TRHDE: variants seen among roughly 807,000 people sequenced by gnomAD.
TRHDE encodes thyrotropin releasing hormone degrading enzyme.
Under a neutral mutation model 125.7 loss-of-function variants are expected in TRHDE, and 72 were observed. The observed-to-expected ratio is 0.57, with a 90% CI of 0.47 to 0.70. The LOEUF (loss-of-function observed/expected upper bound fraction) is 0.70. TRHDE is among the 30% of genes least tolerant of loss of function. The probability of loss-of-function intolerance (pLI) is 0.00; values close to 1 mark genes in which losing one functional copy is unlikely to be tolerated. For synonymous variants in TRHDE, 509 were observed against 509.1 expected, an observed-to-expected ratio of 1.00 and a Z score of 0.00; for missense variants, 1,110 against 1,327.1, an observed-to-expected ratio of 0.84 and a Z score of 2.54.
At chr12:72,132,741 T>C (rs1019288597) in intron 2 of TRHDE, among the ~76,000 whole-genome samples, 1 of 152,146 alleles carries the variant, frequency 6.6e-6, no homozygotes, top group Non-Finnish European at 1.5e-5. Context: ...CGCAGATGAA[T>C]AGAACCTGTG....
At chr12:72,556,574 C>G (rs1350786583) in intron 7 of TRHDE, among the ~76,000 whole-genome samples, 2 of 152,194 alleles carry the variant, frequency 1.3e-5, no homozygotes, top group African/African-American at 4.8e-5. Flanking sequence ...AGAGCACATG[C>G]CCAGGCTTTA....
chr12:72,197,231 C>T (rs749075787), intron 2 of TRHDE, among the ~76,000 whole-genome samples: 2 of 152,072 alleles, frequency 1.3e-5, no homozygotes, highest in Non-Finnish European at 2.9e-5. Context: ...TTCCTCACTT[C>T]CTTCAGGTCT....
chr12:72,647,017 A>G (rs1874309978), intron 15 of TRHDE, among the ~76,000 whole-genome samples: 1 of 152,060 alleles, frequency 6.6e-6, no homozygotes, highest in Non-Finnish European at 1.5e-5. Context: ...ACAACAGAAT[A>G]TACATTCTTC....
chr12:72,210,381 A>G (rs780881687), intron 2 of TRHDE, among the ~76,000 whole-genome samples: 2 of 152,088 alleles, frequency 1.3e-5, no homozygotes, highest in Non-Finnish European at 2.9e-5. Flanking sequence ...TGTGTCTGCT[A>G]TTGTTTATTT....
Position 72,666,883 on chromosome 12 carries a change from CT to C in TRHDE, c.*3689del, listed in dbSNP as rs1043289839. The C allele has an allele frequency of 1.3e-5, 2 of 151,562 alleles. No homozygotes were observed. The highest frequency in any genetic ancestry group is 4.8e-5 in the African/African-American group (2 of 41,342). 9.4% of individuals were successfully genotyped at this position (151,562 alleles called of 1,614,324 possible). A position where few individuals can be genotyped will look rare whatever the true frequency, so the allele number is the denominator to read the frequency against. On this transcript the variant is annotated 3_prime_UTR_variant, in exon 19 of 19. Transcript: ENST00000261180. ...TCATTTAGTTTATTAATTATATTTC[CT>C]GTCTGTATCTTTTATTGAACATTGT...
intron 5 of TRHDE, among the ~76,000 whole-genome samples, chr12:72,491,500 T>C (rs906456476): frequency 2.0e-5 from 3 of 151,972 alleles, no homozygotes; most frequent in African/African-American, 7.2e-5. Flanking sequence ...TTAAGTTCAT[T>C]TTGTGTTCTA....
intron 5 of TRHDE, among the ~76,000 whole-genome samples, chr12:72,483,133 C>CT (rs1447348588): frequency 0.011 from 1,662 of 147,114 alleles, 32 homozygotes; most frequent in African/African-American, 0.038. Flanking sequence ...TGCCTCCTCC[C>CT]TTTTTTTTTT....
At chr12:72,123,023 A>T (rs1875628997) in intron 2 of TRHDE, among the ~76,000 whole-genome samples, 1 of 152,184 alleles carries the variant, frequency 6.6e-6, no homozygotes, top group Non-Finnish European at 1.5e-5. Context: ...CCTGGTTGCA[A>T]CTGTTAATCT....
chr12:72,360,208 G>T (rs1871005277), intron 2 of TRHDE, among the ~76,000 whole-genome samples: 1 of 151,698 alleles, frequency 6.6e-6, no homozygotes, highest in Admixed American at 6.6e-5. Context: ...AAAAGACCCA[G>T]AAAGTACAAA....
intron 6 of TRHDE, among the ~76,000 whole-genome samples, chr12:72,530,591 G>A (rs1434541238): frequency 1.4e-5 from 2 of 147,692 alleles, no homozygotes; most frequent in Non-Finnish European, 3.0e-5. Flanking sequence ...GCTCTCTGTG[G>A]GAGCCTGGGA....
intron 6 of TRHDE, among the ~76,000 whole-genome samples, chr12:72,532,675 A>G (rs1011007982): frequency 2.6e-5 from 4 of 151,302 alleles, no homozygotes; most frequent in African/African-American, 4.8e-5. Flanking sequence ...TGTCTCCACT[A>G]TTAATGCAAT....
At chr12:72,549,206 G>A (rs770124258) in intron 7 of TRHDE, among the ~76,000 whole-genome samples, 8 of 151,712 alleles carry the variant, frequency 5.3e-5, no homozygotes, top group Non-Finnish European at 1.0e-4. Context: ...AAAGCCATAG[G>A]GATTATTAGT....
chr12:72,482,172 G>T (rs1451288181), intron 5 of TRHDE, among the ~76,000 whole-genome samples: 1 of 151,758 alleles, frequency 6.6e-6, no homozygotes, highest in African/African-American at 2.4e-5. Context: ...ATATGGAATT[G>T]GTATCTATCA....
At chr12:72,443,098 C>T (rs1309769590) in intron 3 of TRHDE, among the ~76,000 whole-genome samples, 1 of 151,756 alleles carries the variant, frequency 6.6e-6, no homozygotes, top group Non-Finnish European at 1.5e-5. Flanking sequence ...TTGACTACCA[C>T]TTTAGCTTCA....
At chr12:72,377,403 C>G (rs1361879229) in intron 2 of TRHDE, among the ~76,000 whole-genome samples, 1 of 150,784 alleles carries the variant, frequency 6.6e-6, no homozygotes, top group South Asian at 2.1e-4. Context: ...AATTATTCTG[C>G]TGAGTTTGAA....
At chr12:72,309,233 G>A (rs2135697586) in intron 2 of TRHDE, among the ~76,000 whole-genome samples, 1 of 152,210 alleles carries the variant, frequency 6.6e-6, no homozygotes, top group Admixed American at 6.5e-5. Context: ...ATTTGTTTGA[G>A]AAACAAAGAA....
At chr12:72,248,439 A>AAG (rs1429381035) in intron 2 of TRHDE, among the ~76,000 whole-genome samples, 1 of 150,794 alleles carries the variant, frequency 6.6e-6, no homozygotes, top group Non-Finnish European at 1.5e-5. Context: ...AAAAAAAAAA[A>AAG]GCGAAGTGCT....
intron 15 of TRHDE, among the ~76,000 whole-genome samples, chr12:72,633,772 G>C (rs1873596604): frequency 6.6e-6 from 1 of 152,088 alleles, no homozygotes; most frequent in Non-Finnish European, 1.5e-5. Context: ...AAGTATACTA[G>C]TAAAGTTAGG....
chr12:72,554,602 A>G (rs1477911319), intron 7 of TRHDE, among the ~76,000 whole-genome samples: 1 of 152,202 alleles, frequency 6.6e-6, no homozygotes, highest in Non-Finnish European at 1.5e-5. Flanking sequence ...AACTTGATTT[A>G]CAAGAAGCAG....
Sources: allele counts gnomAD v4.1 joint callset (sites outside exome capture counted in the v4.1 genomes callset), GRCh38; gene constraint gnomAD v4.1.1; transcripts MANE v1.5; gene names NCBI Gene and HGNC (gene_info 2026-07-23, HGNC 2026-07-21).